The following RASIP1 variants were observed in gnomAD, a reference collection of about 807,000 sequenced individuals.
RASIP1 encodes the protein ras-interacting protein 1.
RASIP1 carries 20 observed loss-of-function variants against 85.3 expected under a neutral mutation model. The ratio of observed to expected loss-of-function variants is 0.23; its 90% CI spans 0.17 to 0.34. The LOEUF (loss-of-function observed/expected upper bound fraction) is 0.34, where lower values mean the gene tolerates loss of function less well. Ranked by LOEUF, RASIP1 falls within the 10% of genes least tolerant of loss-of-function variation. RASIP1 has a pLI of 1.00. For missense variants in RASIP1, 1,170 were observed against 1,390.9 expected (o/e 0.84, Z 2.53); for synonymous variants, 617 against 647.1 (o/e 0.95, Z 0.71).
intron 10 of RASIP1, among the ~76,000 whole-genome samples, chr19:48,723,014 T>C (rs896197764): frequency 1.3e-5 from 2 of 151,524 alleles, no homozygotes; most frequent in Non-Finnish European, 2.9e-5. Context: ...GCTTCTGGAG[T>C]GGCTGGGACC....
chr19:48,734,490 C>CTT (rs796991108), intron 4 of RASIP1, among the ~76,000 whole-genome samples: 16 of 127,346 alleles, frequency 1.3e-4, no homozygotes, highest in African/African-American at 2.3e-4. Context: ...TTTTTTCTTT[C>CTT]TTTTTTTTTT....
intron 8 of RASIP1, 164 bp from the exon 9 acceptor site, chr19:48,725,124 T>TCAAGTAGG: frequency 1.4e-6 from 1 of 738,218 alleles, no homozygotes; most frequent in Non-Finnish European, 2.2e-6. Context: ...AATCCCTACT[T>TCAAGTAGG]GATAGAAGGG....
At chr19:48,732,327 C>G (rs1446014777) in intron 4 of RASIP1, among the ~76,000 whole-genome samples, 1 of 151,328 alleles carries the variant, frequency 6.6e-6, no homozygotes, top group African/African-American at 2.4e-5. Context: ...GCGATCTCGG[C>G]TCACTACAAG....
At position 48,735,272 on chromosome 19, in the gene RASIP1, T is replaced by G; in HGVS notation, c.1103A>C (p.Gln368Pro). ...GGCCTGGATGAGGCACTGAGTCAACTGATCGAAGTCCCCGGGGTCTGCAGT... is the reference window on the plus strand; with the variant it reads ...GGCCTGGATGAGGCACTGAGTCAACGGATCGAAGTCCCCGGGGTCTGCAGT... ...IGTADPGDFD[Q>P]LTQCLIQAPS... The change falls in exon 4 of 12, where the codon CAG becomes CCG. Residue 368 changes from glutamine to proline, a missense_variant. This residue lies in a region of RASIP1 where 301 missense variants were observed against 294.8 expected (regional missense o/e 1.02). Coordinates refer to ENST00000222145, the MANE Select transcript of RASIP1 (RefSeq NM_017805.3). 1 of 1,614,068 alleles carries G rather than the reference T, an allele frequency of 6.2e-7. No homozygotes were observed. Among genetic ancestry groups the G allele is most frequent in the Non-Finnish European group, 8.5e-7 (1 of 1,179,994 alleles).
At chr19:48,728,849 C>T in intron 5 of RASIP1, 88 bp downstream of exon 5, 2 of 1,303,430 alleles carry the variant, frequency 1.5e-6, no homozygotes, top group Non-Finnish European at 2.0e-6. Context: ...TCCAGCCCAG[C>T]TATGAAAAGG....
chr19:48,727,196 C>A (rs1433375238), intron 6 of RASIP1, 38 bp from the exon 7 acceptor site: 1 of 1,610,916 alleles, frequency 6.2e-7, no homozygotes, highest in Admixed American at 1.7e-5. Context: ...CCCTGCCCAA[C>A]CCTCATCATA....
intron 5 of RASIP1, 86 bp from the exon 6 acceptor site, chr19:48,727,516 A>G (rs2033362998): frequency 2.9e-6 from 4 of 1,396,012 alleles, no homozygotes; most frequent in East Asian, 2.3e-5. Flanking sequence ...TAGAAGCACA[A>G]CTCTCATAGA....
intron 3 of RASIP1, chr19:48,737,527 T>A: frequency 1.0e-6 from 1 of 985,428 alleles, no homozygotes. Flanking sequence ...GTGATCCCAC[T>A]TGGCAGCCAA....
At chr19:48,721,774 G>T in intron 11 of RASIP1, 80 bp downstream of exon 11, 2 of 1,490,608 alleles carry the variant, frequency 1.3e-6, no homozygotes, top group Non-Finnish European at 1.8e-6. Context: ...TTGCACTCCA[G>T]CCTGAGTGAC....
At chr19:48,721,256 A>C (rs377670952) in intron 11 of RASIP1, among the ~76,000 whole-genome samples, 2 of 152,080 alleles carry the variant, frequency 1.3e-5, no homozygotes, top group South Asian at 2.1e-4. Flanking sequence ...TGCCTTACAG[A>C]TTCCTAAAGG....
chr19:48,732,741 A>G (rs1390844230), intron 4 of RASIP1, among the ~76,000 whole-genome samples: 3 of 152,046 alleles, frequency 2.0e-5, no homozygotes, highest in African/African-American at 7.2e-5. Flanking sequence ...AGCTCTCCCC[A>G]TCTCCTTGCC....
In RASIP1 at chr19:48,739,468, G is replaced by A. The variant is rs1363715379; in HGVS notation, c.315C>T (p.Gly105=). 6.8e-7 allele frequency: 1 copy of A among 1,477,730 alleles called. No homozygotes were observed. Among genetic ancestry groups the A allele is most frequent in the East Asian group, 2.9e-5 (1 of 34,338 alleles). 91.5% of individuals were successfully genotyped at this position (1,477,730 alleles called of 1,614,324 possible). A position where few individuals can be genotyped will look rare whatever the true frequency, so the allele number is the denominator to read the frequency against. Residue 105 remains glycine, a synonymous_variant, in exon 3 of 12, where the codon GGC becomes GGT. Coordinates refer to ENST00000222145, the MANE Select transcript of RASIP1 (RefSeq NM_017805.3). This position sits in a 1 kb window ranked among gnomAD's most constrained non-coding sequence, Gnocchi z 9.2. ...GSGTGTTGSS[G]AGGPGTPGGA... ...CCCCCGGGGTCCCAGGGCCTCCTGC[G>A]CCGCTGGACCCCGTGGTCCCGGTCC...
chr19:48,723,335 G>A lies in RASIP1; in HGVS notation c.2544+1002C>T, dbSNP rs184949203. On this transcript the variant is annotated intron_variant, in intron 10 of 11. Coordinates refer to ENST00000222145, the MANE Select transcript of RASIP1 (RefSeq NM_017805.3). Reference sequence around the variant, plus strand: ...AGCACTTTGGGAGGCCGAGGCAGGCGCATCCCCTGAGGTCAGGAGTTCAAG... The same window carrying A: ...AGCACTTTGGGAGGCCGAGGCAGGCACATCCCCTGAGGTCAGGAGTTCAAG... 7.2e-5 allele frequency among the ~76,000 whole-genome samples: 11 copies of A among 152,222 alleles called. No individual in the cohort carries two copies. The East Asian group carries it at 2.1e-3, about 29-fold the overall frequency.
intron 8 of RASIP1, 88 bp downstream of exon 8, chr19:48,726,697 G>A (rs2033348692): frequency 9.3e-7 from 1 of 1,071,680 alleles, no homozygotes; most frequent in Non-Finnish European, 1.4e-6. Context: ...GTTCAAACAA[G>A]AAGTGATGTT....
Position 48,738,037 on chromosome 19 carries a change from T to C in RASIP1, c.823+923A>G. ...TTGGCTCACTGCAGCCTCTGCCTCCTGGGTTCAAATTATTCTCATGTCTCG... is the reference window on the plus strand; with the variant it reads ...TTGGCTCACTGCAGCCTCTGCCTCCCGGGTTCAAATTATTCTCATGTCTCG... On this transcript the variant is annotated intron_variant, in intron 3 of 11. Transcript: ENST00000222145. This position sits in a 1 kb window ranked among gnomAD's most constrained non-coding sequence, Gnocchi z 4.0. 1.4e-6 allele frequency: 1 copy of C among 739,694 alleles called. No individual in the cohort carries two copies. Among genetic ancestry groups the C allele is most frequent in the Non-Finnish European group, 1.7e-6 (1 of 605,950 alleles). 45.8% of individuals were successfully genotyped at this position (739,694 alleles called of 1,614,324 possible).
chr19:48,734,934 G>T (rs575026882), intron 4 of RASIP1, among the ~76,000 whole-genome samples: 1 of 152,132 alleles, frequency 6.6e-6, no homozygotes, highest in Non-Finnish European at 1.5e-5. Flanking sequence ...TTCTACAATG[G>T]AATCTCCTTA....
intron 8 of RASIP1, 174 bp from the exon 9 acceptor site, chr19:48,725,134 G>T: frequency 1.4e-6 from 1 of 693,576 alleles, no homozygotes; most frequent in Non-Finnish European, 2.4e-6. Flanking sequence ...TGATAGAAGG[G>T]TATACAAGTT....
Position 48,729,357 on chromosome 19 carries a change from C to T in RASIP1, c.1413G>A (p.Leu471=). The T allele has an allele frequency of 6.4e-7, 1 of 1,559,456 alleles. No homozygotes were observed. The highest frequency in any genetic ancestry group is 8.7e-7 in the Non-Finnish European group (1 of 1,152,358). The change falls in exon 5 of 12, where the codon CTG becomes CTA. Residue 471 remains leucine, a synonymous_variant. Transcript: ENST00000222145. The stretch of plus-strand genomic sequence containing the variant: ...CCAGCCCCAGGAGGTCGCCCGGGTG[C>T]AGCTCAGCCTCCCGCAGCAGGAGGC... ...NGCLLLREAE[L]HPGDLLGLGE... is the part of the protein sequence containing the mutation.
chr19:48,738,887 G>GC lies in RASIP1; in HGVS notation c.823+72dup. ...CCAGCCCGCGAGTCCCACAAGCCCC[G>GC]CCCAGGCCCCGCCCCACGGACCCCG... On this transcript the variant is annotated intron_variant, in intron 3 of 11. Transcript: ENST00000222145. This position sits in a 1 kb window ranked among gnomAD's most constrained non-coding sequence, Gnocchi z 4.0. 1.6e-5 allele frequency: 5 copies of GC among 308,432 alleles called. No homozygotes were observed. Among genetic ancestry groups the GC allele is most frequent in the Non-Finnish European group, 1.9e-5 (5 of 262,834 alleles). 19.1% of individuals were successfully genotyped at this position (308,432 alleles called of 1,614,324 possible).
Sources: gnomAD v4.1 joint callset for allele counts (sites outside exome capture counted in the v4.1 genomes callset) on GRCh38, gnomAD v4.1.1 for gene constraint, gnomAD v4.1.1 regional missense constraint, Gnocchi (gnomAD v3.1) non-coding constraint, MANE v1.5 for transcripts, NCBI Gene and HGNC (gene_info 2026-07-23, HGNC 2026-07-21) for gene names.